Variants in CD5 observed in about 807,000 individuals in gnomAD.
CD5 encodes the protein CD5 molecule.
CD5 carries 36 observed loss-of-function variants against 60.3 expected under a neutral mutation model. The observed-to-expected ratio is 0.60, with a 90% CI of 0.46 to 0.79. CD5 has a LOEUF of 0.79. CD5 is among the 30% of genes least tolerant of loss of function. The pLI is 0.00. For missense variants in CD5, 540 were observed against 630.6 expected, an observed-to-expected ratio of 0.86 and a Z score of 1.54; for synonymous variants, 230 against 257.6, an observed-to-expected ratio of 0.89 and a Z score of 1.03.
rs570347472 is a variant in CD5, at chr11:61,104,147, T to G, written c.55+1532T>G. ...GTGAGTCTGTGTGTGAGTCTGTGTG[T>G]GAGTCTGTGTGTGGGAGTCTGTGCG... is the stretch of plus-strand genomic sequence containing the variant. On this transcript the variant is annotated intron_variant, in intron 1 of 10. Transcript: ENST00000347785. 1.4e-4 allele frequency among the ~76,000 whole-genome samples: 22 copies of G among 152,064 alleles called. No individual in the cohort carries two copies. The East Asian group carries it at 3.3e-3, about 23-fold the overall frequency.
chr11:61,102,713 T>C, intron 1 of CD5, 98 bp downstream of exon 1: 1 of 1,059,366 alleles, frequency 9.4e-7, no homozygotes, highest in South Asian at 1.4e-5. Flanking sequence ...GGGATCCACA[T>C]GTCAGCCCTC....
intron 1 of CD5, among the ~76,000 whole-genome samples, chr11:61,108,366 G>A (rs1482905478): frequency 6.6e-6 from 1 of 152,214 alleles, no homozygotes; most frequent in Non-Finnish European, 1.5e-5. Context: ...TTAGAGACCT[G>A]AATCTGCTGT....
chr11:61,124,380 T>C (rs1049794883), intron 8 of CD5, among the ~76,000 whole-genome samples: 1 of 152,210 alleles, frequency 6.6e-6, no homozygotes, highest in African/African-American at 2.4e-5. Context: ...AGAACCTTAA[T>C]GGGCATTTTT....
chr11:61,100,291 C>T (rs1860649173), upstream of CD5, among the ~76,000 whole-genome samples: 1 of 133,502 alleles, frequency 7.5e-6, no homozygotes, highest in South Asian at 2.6e-4. Flanking sequence ...GGAGATCACA[C>T]ATACATCAAC....
At position 61,112,059 on chromosome 11, in the gene CD5, G is replaced by A. The variant is rs561645608; in HGVS notation, c.56-2997G>A. Among the ~76,000 whole-genome samples the A allele has an allele frequency of 7.9e-4, 121 of 152,326 alleles. 1 individual carries two copies. The highest frequency in any genetic ancestry group is 2.7e-3 in the African/African-American group (111 of 41,578). Reference sequence around the variant, plus strand: ...AGAACTGGAGCAGTAGAAAGTCATCGGTGACTGAAAACCCATCCTGAGCTG... The same window carrying A: ...AGAACTGGAGCAGTAGAAAGTCATCAGTGACTGAAAACCCATCCTGAGCTG... On this transcript the variant is annotated intron_variant, in intron 1 of 10. Coordinates refer to ENST00000347785, the MANE Select transcript of CD5 (RefSeq NM_014207.4).
In CD5 at chr11:61,125,811, A is replaced by G; in HGVS notation, c.1460A>G (p.Tyr487Cys). Residue 487 changes from tyrosine to cysteine, a missense_variant, in exon 10 of 11, where the codon TAT becomes TGT. Tyr to Cys is a radical substitution (Grantham distance 194). Transcript: ENST00000347785. ...CCTGACAACTCCTCCGACAGTGACT[A>G]TGATCTGCATGGGGCTCAGAGGCTG... ...MQPDNSSDSDYDLHGAQRL is the reference protein window; with the variant it reads ...MQPDNSSDSDCDLHGAQRL 2 of 1,612,384 alleles carry G rather than the reference A, an allele frequency of 1.2e-6. No homozygotes were observed. The highest frequency in any genetic ancestry group is 1.1e-5 in the South Asian group (1 of 90,860).
At chr11:61,100,484 A>T (rs1251966913), upstream of CD5, among the ~76,000 whole-genome samples, 1 of 149,906 alleles carries the variant, frequency 6.7e-6, no homozygotes, top group Non-Finnish European at 1.5e-5. Context: ...TGGAGATTAC[A>T]CACACAACAT....
At chr11:61,098,619 A>G (rs1339054647), upstream of CD5, among the ~76,000 whole-genome samples, 1 of 152,148 alleles carries the variant, frequency 6.6e-6, no homozygotes, top group Non-Finnish European at 1.5e-5. Flanking sequence ...TCTAATTATC[A>G]GTGCATGCAG....
At chr11:61,101,477 A>G (rs1245151879), upstream of CD5, among the ~76,000 whole-genome samples, 1 of 150,384 alleles carries the variant, frequency 6.6e-6, no homozygotes, top group African/African-American at 2.5e-5. Context: ...TCACACACAC[A>G]TATATCAAAT....
chr11:61,119,154 G>A (rs1861011970), intron 4 of CD5, 80 bp from the exon 5 acceptor site: 1 of 1,381,644 alleles, frequency 7.2e-7, no homozygotes. Context: ...TTGTCCACAA[G>A]TTGGGGCCAA....
upstream of CD5, among the ~76,000 whole-genome samples, chr11:61,101,636 C>G (rs1331724405): frequency 2.7e-5 from 4 of 150,300 alleles, no homozygotes; most frequent in African/African-American, 9.8e-5. Context: ...ACATGGAGAT[C>G]ACACACACAC....
chr11:61,122,941 C>T lies in CD5; in HGVS notation c.1134C>T (p.Gly378=), dbSNP rs1861089672. Residue 378 remains glycine, a synonymous_variant, in exon 7 of 11, where the codon GGC becomes GGT. Transcript: ENST00000347785. The stretch of plus-strand genomic sequence containing the variant: ...CAAACCCCGCAGGCCTGGCCGCAGG[C>T]ACGGTGGCAAGCATCATCCTGGCCC... The part of the protein sequence containing the change: ...QDPNPAGLAA[G]TVASIILALV... 1 of 1,613,950 alleles carries T rather than the reference C, an allele frequency of 6.2e-7. No individual in the cohort carries two copies. The highest frequency in any genetic ancestry group is 1.3e-5 in the African/African-American group (1 of 74,942).
Position 61,123,931 on chromosome 11 carries a change from C to A in CD5, c.1273C>A (p.Gln425Lys). The A allele has an allele frequency of 6.2e-7, 1 of 1,612,964 alleles. No individual in the cohort carries two copies. Among genetic ancestry groups the A allele is most frequent in the Non-Finnish European group, 8.5e-7 (1 of 1,179,370 alleles). ...GTGGATTGGCCCAACGGGAATGAAC[C>A]AAAACAGTAAGTGTCCCCGGAGGCA... The part of the protein sequence containing the change: ...RQWIGPTGMN[Q>K]NMSFHRNHTA... The change falls in exon 8 of 11, where the codon CAA becomes AAA. Residue 425 changes from glutamine to lysine, a missense_variant. Physicochemically the swap from Gln to Lys is moderately conservative, Grantham distance 53. Transcript: ENST00000347785.
chr11:61,105,166 C>A (rs913151996), intron 1 of CD5, among the ~76,000 whole-genome samples: 1 of 152,242 alleles, frequency 6.6e-6, no homozygotes, highest in East Asian at 1.9e-4. Flanking sequence ...GGCCTGGGTG[C>A]TAGTGACAGG....
intron 7 of CD5, 73 bp from the exon 8 acceptor site, chr11:61,123,811 A>AAG: frequency 3.0e-4 from 79 of 262,024 alleles, no homozygotes; most frequent in East Asian, 7.4e-4. Flanking sequence ...GCCCAGCCCC[A>AAG]TCCCCACCCC....
At chr11:61,116,788 ACAC>A (rs1297795878) in intron 2 of CD5, among the ~76,000 whole-genome samples, 27 of 141,746 alleles carry the variant, frequency 1.9e-4, no homozygotes, top group Middle Eastern at 4.1e-3. Flanking sequence ...CCACACACAC[ACAC>A]CACCTGCACA....
chr11:61,115,170 C>T, intron 2 of CD5, 76 bp downstream of exon 2: 1 of 1,353,392 alleles, frequency 7.4e-7, no homozygotes, highest in Non-Finnish European at 1.0e-6. Context: ...CCATCGGGGA[C>T]CTCTCGATGA....
chr11:61,121,740 G>A lies in CD5; in HGVS notation c.935G>A (p.Trp312Ter). The change falls in exon 6 of 11, where the codon TGG (tryptophan) becomes TAG (stop). Residue 312 changes from tryptophan to a stop codon, truncating the protein, a stop_gained. Transcript: ENST00000347785. LOFTEE classifies it high-confidence loss of function. The stretch of plus-strand genomic sequence containing the variant: ...TCTTCAGCCAGGAGCTCGCTGCGGT[G>A]GGAGGAGGTGTGCCGGGAGCAGCAG... ...DSSSARSSLRWEEVCREQQCG... is the reference protein window; with the variant it reads ...DSSSARSSLR 6.2e-7 allele frequency: 1 copy of A among 1,611,508 alleles called. No homozygotes were observed. The highest frequency in any genetic ancestry group is 8.5e-7 in the Non-Finnish European group (1 of 1,178,234).
At chr11:61,123,863 C>T (rs376765415) in intron 7 of CD5, 21 bp from the exon 8 acceptor site, 1 of 1,321,154 alleles carries the variant, frequency 7.6e-7, no homozygotes, top group East Asian at 4.8e-5. Flanking sequence ...CTCTGATGTG[C>T]CTTTCTTGTC....
Sources: gnomAD v4.1 joint callset for allele counts (sites outside exome capture counted in the v4.1 genomes callset) on GRCh38, gnomAD v4.1.1 for gene constraint, MANE v1.5 for transcripts, NCBI Gene and HGNC (gene_info 2026-07-23, HGNC 2026-07-21) for gene names.